Variants in NF1 observed in about 807,000 individuals in gnomAD.
NF1 encodes neurofibromin.
NF1 carries 122 observed loss-of-function variants against 325.7 expected under a neutral mutation model. The ratio of observed to expected loss-of-function variants is 0.37; its 90% confidence interval spans 0.32 to 0.44. NF1 has a LOEUF of 0.44. NF1 is among the 20% of genes least tolerant of loss of function. The pLI, the probability that NF1 is intolerant of heterozygous loss-of-function variation, is 1.00. For synonymous variants in NF1, 1,091 were observed against 1,186.0 expected (o/e 0.92, Z 1.65); for missense variants, 2,140 against 3,415.4 (o/e 0.63, Z 9.31).
At chr17:31,192,567 G>T (rs1185175202) in intron 8 of NF1, among the ~76,000 whole-genome samples, 1 of 152,274 alleles carries the variant, frequency 6.6e-6, no homozygotes, top group Admixed American at 6.5e-5. Flanking sequence ...GAGAGAGAAG[G>T]TTGTAAAATG....
rs769087878 is a variant in NF1 at position 31,326,100 on chromosome 17, C to T, written c.5116C>T (p.Leu1706Phe). The change falls in exon 37 of 58, where the codon CTT becomes TTT. Residue 1706 changes from leucine (L) to phenylalanine (F), a missense_variant. Around this residue, in one of 10 missense-constraint regions of NF1, gnomAD observed 147 missense variants for 186.7 expected, o/e 0.79. Coordinates refer to ENST00000358273, the MANE Select transcript of NF1 (RefSeq NM_001042492.3). ...GACTGGCCTCAAAGGTAGCAAAAGG[C>T]TTGTTTTCATAGACTGTCCTGGGAA... is the stretch of plus-strand genomic sequence containing the variant. ...LLTGLKGSKR[L>F]VFIDCPGKLA... The T allele has an allele frequency of 2.5e-6, 4 of 1,613,494 alleles. No homozygotes were observed. Among genetic ancestry groups the T allele is most frequent in the Admixed American group, 3.3e-5 (2 of 59,946 alleles).
At chr17:31,339,157 G>A (rs985101714) in intron 46 of NF1, among the ~76,000 whole-genome samples, 2 of 152,156 alleles carry the variant, frequency 1.3e-5, no homozygotes, top group African/African-American at 4.8e-5. Flanking sequence ...AAAACTCACT[G>A]CCTTCATGGA....
At chr17:31,329,109 T>C (rs1422057388) in intron 38 of NF1, among the ~76,000 whole-genome samples, 1 of 152,154 alleles carries the variant, frequency 6.6e-6, no homozygotes, top group East Asian at 1.9e-4. Context: ...TGCAGTGTGC[T>C]ATAATCATGT....
rs549648650 is a variant in NF1, at chr17:31,243,064, C to T, written c.3975-5920C>T. Among the ~76,000 whole-genome samples, 3 of 152,298 alleles carry T rather than the reference C, an allele frequency of 2.0e-5. No individual in the cohort carries two copies. In the South Asian group the frequency reaches 6.2e-4, roughly 32 times the overall value. On this transcript the variant is annotated intron_variant, in intron 29 of 57. Coordinates refer to ENST00000358273, the MANE Select transcript of NF1 (RefSeq NM_001042492.3). Reference sequence around the variant, plus strand: ...TGGCTCTTGTACACTCATAGCGGTACCACCTTGGTGGTCTTGCATAAGATC... The same window carrying T: ...TGGCTCTTGTACACTCATAGCGGTATCACCTTGGTGGTCTTGCATAAGATC...
At chr17:31,284,208 TCTC>T (rs976288705) in intron 36 of NF1, among the ~76,000 whole-genome samples, 78 of 152,140 alleles carry the variant, frequency 5.1e-4, no homozygotes, top group African/African-American at 1.7e-3. Context: ...TTCAAGCAAT[TCTC>T]CTGCCTCAGC....
At chr17:31,209,049 G>A (rs1226058146) in intron 12 of NF1, among the ~76,000 whole-genome samples, 3 of 152,110 alleles carry the variant, frequency 2.0e-5, no homozygotes, top group Admixed American at 6.5e-5. Context: ...TGTTATAGGG[G>A]GCTGTACTGC....
chr17:31,120,558 CA>C (rs2143381633), intron 1 of NF1, among the ~76,000 whole-genome samples: 1 of 152,258 alleles, frequency 6.6e-6, no homozygotes, highest in East Asian at 1.9e-4. Context: ...CAGACAGAGA[CA>C]GTTTGACTTC....
intron 8 of NF1, among the ~76,000 whole-genome samples, chr17:31,197,659 T>C (rs1266410442): frequency 1.3e-5 from 2 of 152,206 alleles, no homozygotes; most frequent in Admixed American, 1.3e-4. Context: ...TTTTGTATTC[T>C]GTGACTTTGA....
chr17:31,341,967 G>A (rs931836216), intron 47 of NF1, among the ~76,000 whole-genome samples: 3 of 152,236 alleles, frequency 2.0e-5, no homozygotes, highest in Admixed American at 1.3e-4. Context: ...TGAACTGTGG[G>A]TACAAAGAAC....
At chr17:31,355,170 T>G (rs2070241594) in intron 51 of NF1, among the ~76,000 whole-genome samples, 2 of 152,168 alleles carry the variant, frequency 1.3e-5, no homozygotes, top group South Asian at 4.1e-4. Flanking sequence ...CAGAATGAGA[T>G]CTTCCAGGAA....
intron 1 of NF1, among the ~76,000 whole-genome samples, chr17:31,112,716 GT>G (rs1217246376): frequency 6.6e-6 from 1 of 151,868 alleles, no homozygotes. Flanking sequence ...GTTTTTCCTT[GT>G]TTTTTTGTTC....
intron 39 of NF1, among the ~76,000 whole-genome samples, chr17:31,333,671 A>G (rs1165999976): frequency 2.0e-5 from 3 of 152,230 alleles, no homozygotes; most frequent in African/African-American, 4.8e-5. Flanking sequence ...AGCCATTGAA[A>G]AATGGCTTTG....
rs1226624584 is a variant in NF1 at position 31,337,268 on chromosome 17, A to G, written c.6428-100A>G. On this transcript the variant is annotated intron_variant, in intron 42 of 57. Coordinates refer to ENST00000358273, the MANE Select transcript of NF1 (RefSeq NM_001042492.3). ...TAGGGAACATGATTATGTAATTTTT[A>G]TATGGTATTCAAATTTTCTAAATTC... 4.3e-5 allele frequency: 40 copies of G among 936,696 alleles called. No homozygotes were observed. In the East Asian group the frequency reaches 9.5e-4, roughly 22 times the overall value. 58.0% of individuals were successfully genotyped at this position (936,696 alleles called of 1,614,324 possible).
chr17:31,164,258 A>G (rs185943533), intron 4 of NF1, among the ~76,000 whole-genome samples: 5 of 152,362 alleles, frequency 3.3e-5, no homozygotes, highest in African/African-American at 1.2e-4. Context: ...CTGTTTTTAA[A>G]GATGTATCAA....
intron 1 of NF1, among the ~76,000 whole-genome samples, chr17:31,121,465 A>G (rs559104214): frequency 4.7e-4 from 67 of 142,936 alleles, no homozygotes; most frequent in Non-Finnish European, 7.9e-4. Flanking sequence ...CAGAGGCACA[A>G]TCTTGGCTCA....
At chr17:31,227,939 A>G (rs2151427985) in intron 20 of NF1, among the ~76,000 whole-genome samples, 1 of 152,354 alleles carries the variant, frequency 6.6e-6, no homozygotes, top group African/African-American at 2.4e-5. Flanking sequence ...TCACAGAAAT[A>G]CTGGGCAGCA....
At chr17:31,354,618 C>G (rs2070227888) in intron 51 of NF1, among the ~76,000 whole-genome samples, 1 of 152,050 alleles carries the variant, frequency 6.6e-6, no homozygotes, top group Admixed American at 6.6e-5. Context: ...AGCAAGGGAA[C>G]CATTTAATAA....
Position 31,327,536 on chromosome 17 carries a change from G to C in NF1, c.5306G>C (p.Arg1769Pro), listed in dbSNP as rs1555533559. 1 of 1,613,992 alleles carries C rather than the reference G, an allele frequency of 6.2e-7. No individual in the cohort carries two copies. Among genetic ancestry groups the C allele is most frequent in the Non-Finnish European group, 8.5e-7 (1 of 1,180,038 alleles). ...STAVQVTSAE[R>P]TKVLGQSVFL... is the part of the protein sequence containing the mutation. ...GCTGTCCAAGTAACTTCAGCAGAGCGAACAAAAGTCCTAGGGCAATCAGTC... is the reference window on the plus strand; with the variant it reads ...GCTGTCCAAGTAACTTCAGCAGAGCCAACAAAAGTCCTAGGGCAATCAGTC... The change falls in exon 38 of 58, where the codon CGA (arginine) becomes CCA (proline). Residue 1769 changes from arginine (R) to proline (P), a missense_variant. Transcript: ENST00000358273.
chr17:31,326,297 GACTA>G, intron 37 of NF1, 45 bp downstream of exon 37: 1 of 1,561,624 alleles, frequency 6.4e-7, no homozygotes, highest in Non-Finnish European at 8.7e-7. Context: ...TGCTTTTCTT[GACTA>G]ACTAGACTAT....
Sources: allele counts gnomAD v4.1 joint callset (sites outside exome capture counted in the v4.1 genomes callset), GRCh38; gene constraint gnomAD v4.1.1; regional missense constraint gnomAD v4.1.1; transcripts MANE v1.5; gene names NCBI Gene and HGNC (gene_info 2026-07-23, HGNC 2026-07-21).